Variants in CDK14 observed in about 807,000 individuals in gnomAD.
CDK14 encodes cyclin-dependent kinase 14.
In CDK14, 34 loss-of-function variants were observed where a neutral mutation model predicts 60.7. That is an observed-to-expected ratio of 0.56 (90% CI 0.43 to 0.75). CDK14 has a LOEUF of 0.75. Ranked by LOEUF, CDK14 falls within the 30% of genes least tolerant of loss-of-function variation. The pLI, the probability that CDK14 is intolerant of heterozygous loss-of-function variation, is 0.00. For synonymous variants in CDK14, 197 were observed against 203.7 expected, an observed-to-expected ratio of 0.97 and a Z score of 0.28; for missense variants, 482 against 564.1, an observed-to-expected ratio of 0.85 and a Z score of 1.47.
chr7:90,946,690 G>A (rs192795263), intron 8 of CDK14, among the ~76,000 whole-genome samples: 3 of 152,096 alleles, frequency 2.0e-5, no homozygotes, highest in Admixed American at 1.3e-4. Context: ...ACTTCAGTCC[G>A]GGCATTTCAG....
At chr7:90,923,063 C>T (rs1215523380) in intron 8 of CDK14, among the ~76,000 whole-genome samples, 2 of 150,046 alleles carry the variant, frequency 1.3e-5, no homozygotes, top group Non-Finnish European at 3.0e-5. Flanking sequence ...ACTATAGTGT[C>T]ATTGATATAG....
chr7:91,159,920 G>GT (rs1293055310), intron 14 of CDK14, among the ~76,000 whole-genome samples: 1 of 152,154 alleles, frequency 6.6e-6, no homozygotes, highest in African/African-American at 2.4e-5. Context: ...GGTGAGCTCG[G>GT]TTTTCCTCTT....
rs145395422 is a variant in CDK14 at position 91,135,994 on chromosome 7, G to A, written c.*28+17786G>A. On this transcript the variant is annotated intron_variant, in intron 14 of 14. Coordinates refer to ENST00000380050, the MANE Select transcript of CDK14 (RefSeq NM_001287135.2). ...TTGCCAGCTCAGAAGAGACCTTTGTGTACTTCCTAAAGAAGATGGCTGAAA... is the reference window on the plus strand; with the variant it reads ...TTGCCAGCTCAGAAGAGACCTTTGTATACTTCCTAAAGAAGATGGCTGAAA... 2.0e-5 allele frequency among the ~76,000 whole-genome samples: 3 copies of A among 152,082 alleles called. No homozygotes were observed. In the East Asian group the frequency reaches 5.8e-4, roughly 29 times the overall value.
chr7:91,120,170 AG>A (rs1450974554), intron 14 of CDK14, among the ~76,000 whole-genome samples: 1 of 152,216 alleles, frequency 6.6e-6, no homozygotes, highest in Non-Finnish European at 1.5e-5. Flanking sequence ...TTCAATTGCA[AG>A]GCTGTGTTCC....
chr7:90,782,914 A>G (rs1805405563), intron 4 of CDK14, among the ~76,000 whole-genome samples: 1 of 152,142 alleles, frequency 6.6e-6, no homozygotes, highest in African/African-American at 2.4e-5. Flanking sequence ...GAGTACAAGG[A>G]TAGACTATCA....
At chr7:91,028,910 A>G (rs1370786889) in intron 10 of CDK14, among the ~76,000 whole-genome samples, 1 of 151,862 alleles carries the variant, frequency 6.6e-6, no homozygotes, top group Admixed American at 6.6e-5. Flanking sequence ...CTTTAATTCT[A>G]TTGATTATTA....
At chr7:91,114,980 T>G (rs576205282) in intron 13 of CDK14, among the ~76,000 whole-genome samples, 21 of 152,322 alleles carry the variant, frequency 1.4e-4, no homozygotes, top group African/African-American at 5.1e-4. Flanking sequence ...TTTTAAATTT[T>G]TATAATTAAA....
chr7:90,630,025 C>T (rs776697027), intron 2 of CDK14, among the ~76,000 whole-genome samples: 10 of 151,656 alleles, frequency 6.6e-5, no homozygotes, highest in Non-Finnish European at 1.2e-4. Flanking sequence ...GGCAACAGAA[C>T]GAGACACTGT....
At chr7:91,205,024 G>T (rs1012777120) in intron 14 of CDK14, among the ~76,000 whole-genome samples, 1 of 152,088 alleles carries the variant, frequency 6.6e-6, no homozygotes, top group Non-Finnish European at 1.5e-5. Context: ...CACTAGGATG[G>T]CTATAATTTT....
chr7:90,942,650 T>C (rs1238305358), intron 8 of CDK14, among the ~76,000 whole-genome samples: 1 of 152,194 alleles, frequency 6.6e-6, no homozygotes, highest in African/African-American at 2.4e-5. Context: ...GGAACCTTCA[T>C]TGTGCAGTCT....
intron 10 of CDK14, among the ~76,000 whole-genome samples, chr7:91,020,506 G>A (rs1295401761): frequency 6.6e-6 from 1 of 152,198 alleles, no homozygotes; most frequent in Admixed American, 6.5e-5. Context: ...GTACATGCAT[G>A]CATGAGTATA....
intron 4 of CDK14, among the ~76,000 whole-genome samples, chr7:90,784,093 G>T (rs944267011): frequency 6.6e-6 from 1 of 152,170 alleles, no homozygotes; most frequent in Non-Finnish European, 1.5e-5. Flanking sequence ...ATATTATTCA[G>T]CCATAAAAAA....
At chr7:90,917,809 C>T in intron 8 of CDK14, 85 bp downstream of exon 8, 1 of 1,303,792 alleles carries the variant, frequency 7.7e-7, no homozygotes, top group African/African-American at 1.5e-5. Context: ...TTTAGGTGCA[C>T]TTCTTCTATC....
At chr7:91,144,799 A>G (rs1216555509) in intron 14 of CDK14, among the ~76,000 whole-genome samples, 3 of 152,214 alleles carry the variant, frequency 2.0e-5, no homozygotes, top group Non-Finnish European at 2.9e-5. Flanking sequence ...AACAATGTGA[A>G]GAATCAAAGG....
chr7:90,845,128 G>T (rs548836775), intron 5 of CDK14, among the ~76,000 whole-genome samples: 1 of 151,594 alleles, frequency 6.6e-6, no homozygotes, highest in Non-Finnish European at 1.5e-5. Flanking sequence ...TTTTTCTTTT[G>T]TTTCAGTGTT....
chr7:90,840,642 C>A (rs1790257272), intron 5 of CDK14, among the ~76,000 whole-genome samples: 1 of 152,180 alleles, frequency 6.6e-6, no homozygotes, highest in Non-Finnish European at 1.5e-5. Context: ...CAAGATAGGA[C>A]AATATGGTAG....
intron 2 of CDK14, among the ~76,000 whole-genome samples, chr7:90,698,982 T>G (rs1353172432): frequency 6.6e-6 from 1 of 152,240 alleles, no homozygotes; most frequent in Non-Finnish European, 1.5e-5. Context: ...ACTTTTTCAT[T>G]AAAACTTTTA....
chr7:90,706,956 C>G (rs6465282), intron 2 of CDK14, among the ~76,000 whole-genome samples: 61,440 of 151,878 alleles, frequency 0.4, 12,980 homozygotes, highest in East Asian at 0.67. Context: ...CCACATTCTT[C>G]CTTGGCTTTT....
intron 5 of CDK14, among the ~76,000 whole-genome samples, chr7:90,812,898 T>G (rs1789193247): frequency 6.6e-6 from 1 of 152,160 alleles, no homozygotes; most frequent in East Asian, 1.9e-4. Flanking sequence ...TATGACCCAG[T>G]GACTTCACTC....
Sources: allele counts gnomAD v4.1 joint callset (sites outside exome capture counted in the v4.1 genomes callset), GRCh38; gene constraint gnomAD v4.1.1; transcripts MANE v1.5; gene names NCBI Gene and HGNC (gene_info 2026-07-23, HGNC 2026-07-21).